Variants in ST6GALNAC5 observed in about 807,000 individuals in gnomAD.
ST6GALNAC5 encodes ST6 N-acetylgalactosaminide alpha-2,6-sialyltransferase 5.
ST6GALNAC5 carries 27 observed loss-of-function variants against 33.6 expected under a neutral mutation model. The observed-to-expected ratio is 0.80, with a 90% confidence interval of 0.59 to 1.11. The LOEUF is 1.11. Ranked by LOEUF, ST6GALNAC5 falls within the 50% of genes least tolerant of loss-of-function variation. The pLI, the probability that ST6GALNAC5 is intolerant of heterozygous loss-of-function variation, is 0.00. For synonymous variants in ST6GALNAC5, 194 were observed against 171.2 expected, an observed-to-expected ratio of 1.13 and a Z score of -1.04; for missense variants, 428 against 454.0, an observed-to-expected ratio of 0.94 and a Z score of 0.52.
At chr1:77,054,116 A>G (rs539408859) in intron 4 of ST6GALNAC5, among the ~76,000 whole-genome samples, 2 of 152,332 alleles carry the variant, frequency 1.3e-5, no homozygotes, top group South Asian at 4.1e-4. Flanking sequence ...GTAATCAGAG[A>G]TGAATGAGAC....
chr1:76,914,432 T>C (rs945468907), intron 2 of ST6GALNAC5, among the ~76,000 whole-genome samples: 2 of 152,190 alleles, frequency 1.3e-5, no homozygotes, highest in Non-Finnish European at 2.9e-5. Flanking sequence ...GCTACCTGAC[T>C]TCAAACTCTA....
At chr1:77,043,868 C>A (rs1451664211) in intron 2 of ST6GALNAC5, among the ~76,000 whole-genome samples, 1 of 152,148 alleles carries the variant, frequency 6.6e-6, no homozygotes. Context: ...TTGTTAACAT[C>A]TCTATGCTTA....
intron 4 of ST6GALNAC5, chr1:77,060,122 C>T (rs971051625): frequency 6.6e-6 from 1 of 152,114 alleles, no homozygotes; most frequent in Non-Finnish European, 1.5e-5. Context: ...AAAAATTCTT[C>T]CTCAAATCAT....
chr1:76,970,227 C>T (rs1648689190), intron 2 of ST6GALNAC5, among the ~76,000 whole-genome samples: 1 of 152,016 alleles, frequency 6.6e-6, no homozygotes, highest in African/African-American at 2.4e-5. Context: ...CAGAAATAGG[C>T]TTCAGAAGGT....
intron 2 of ST6GALNAC5, among the ~76,000 whole-genome samples, chr1:76,978,798 A>G (rs189427374): frequency 6.6e-6 from 1 of 152,374 alleles, no homozygotes; most frequent in Admixed American, 6.5e-5. Context: ...AAGAGAGAGA[A>G]ATAATGGACA....
chr1:76,883,157 C>T (rs1213539741), intron 2 of ST6GALNAC5, among the ~76,000 whole-genome samples: 1 of 152,130 alleles, frequency 6.6e-6, no homozygotes, highest in Admixed American at 6.5e-5. Flanking sequence ...GGACCTTGTC[C>T]CTACCCACAG....
rs1233190616 is a variant in ST6GALNAC5 at position 77,063,192 on chromosome 1, A to G, written c.997A>G (p.Lys333Glu). The change falls in exon 5 of 5, where the codon AAA becomes GAA. Residue 333 changes from lysine (K) to glutamate (E), a missense_variant. Transcript: ENST00000477717. Reference protein sequence around the residue: ...ESLAINHPENKPVF With the variant: ...ESLAINHPENEPVF Reference sequence around the variant, plus strand: ...ACTTGCTATAAATCATCCTGAGAATAAACCTGTGTTCTAAGGAATGAGCAT... The same window carrying G: ...ACTTGCTATAAATCATCCTGAGAATGAACCTGTGTTCTAAGGAATGAGCAT... 2 of 1,613,658 alleles carry G rather than the reference A, an allele frequency of 1.2e-6. No homozygotes were observed. Among genetic ancestry groups the G allele is most frequent in the African/African-American group, 1.3e-5 (1 of 75,008 alleles).
intron 2 of ST6GALNAC5, among the ~76,000 whole-genome samples, chr1:76,916,944 C>T (rs1646982156): frequency 6.6e-6 from 1 of 152,018 alleles, no homozygotes; most frequent in Admixed American, 6.6e-5. Flanking sequence ...CAACAAAGTA[C>T]ATTGGTAAAT....
At chr1:76,937,161 A>C (rs1280138087) in intron 2 of ST6GALNAC5, among the ~76,000 whole-genome samples, 2 of 151,982 alleles carry the variant, frequency 1.3e-5, no homozygotes, top group African/African-American at 4.8e-5. Flanking sequence ...GCCAAAGAGA[A>C]AAACAAATGA....
chr1:76,941,259 G>A (rs80143643), intron 2 of ST6GALNAC5, among the ~76,000 whole-genome samples: 1,953 of 152,130 alleles, frequency 0.013, 42 homozygotes, highest in African/African-American at 0.044. Flanking sequence ...TGTAACAGGC[G>A]GCAATATTTA....
intron 4 of ST6GALNAC5, among the ~76,000 whole-genome samples, chr1:77,062,728 T>C (rs1652620025): frequency 6.6e-6 from 1 of 152,148 alleles, no homozygotes; most frequent in Non-Finnish European, 1.5e-5. Context: ...GGTCTAAATC[T>C]GAGGAGACTG....
At position 77,018,601 on chromosome 1, in the gene ST6GALNAC5, T is replaced by C. The variant is rs558469707; in HGVS notation, c.262-25603T>C. ...GAGGCTGAAACATGTGCTACACCAGTTGGGCTCTGGGAATCTGGCCTCAGT... is the reference window on the plus strand; with the variant it reads ...GAGGCTGAAACATGTGCTACACCAGCTGGGCTCTGGGAATCTGGCCTCAGT... On this transcript the variant is annotated intron_variant, in intron 2 of 4. Transcript: ENST00000477717. 7.9e-5 allele frequency among the ~76,000 whole-genome samples: 12 copies of C among 152,296 alleles called. No homozygotes were observed. The East Asian group carries it at 1.4e-3, about 17-fold the overall frequency.
At chr1:76,903,289 C>T (rs143427575) in intron 2 of ST6GALNAC5, among the ~76,000 whole-genome samples, 2 of 152,164 alleles carry the variant, frequency 1.3e-5, no homozygotes, top group African/African-American at 4.8e-5. Flanking sequence ...GAAAGATTCT[C>T]AACATCATTA....
At chr1:76,987,940 T>C (rs193044666) in intron 2 of ST6GALNAC5, among the ~76,000 whole-genome samples, 151 of 152,284 alleles carry the variant, frequency 9.9e-4, no homozygotes, top group Non-Finnish European at 1.6e-3. Flanking sequence ...AAGGAAGTTT[T>C]CTTCGATTAG....
intron 2 of ST6GALNAC5, among the ~76,000 whole-genome samples, chr1:76,918,566 C>T (rs1335741564): frequency 2.2e-5 from 3 of 137,676 alleles, no homozygotes; most frequent in African/African-American, 5.5e-5. Flanking sequence ...TGCAGTGAGC[C>T]GAGATCACAC....
chr1:76,881,449 T>C (rs1022999869), intron 2 of ST6GALNAC5, among the ~76,000 whole-genome samples: 1 of 152,198 alleles, frequency 6.6e-6, no homozygotes, highest in Non-Finnish European at 1.5e-5. Flanking sequence ...CTGAGCTGTA[T>C]GTTTTGTCTT....
chr1:76,944,516 G>A (rs1647444164), intron 2 of ST6GALNAC5, among the ~76,000 whole-genome samples: 1 of 151,876 alleles, frequency 6.6e-6, no homozygotes, highest in Non-Finnish European at 1.5e-5. Context: ...CCCCCAACAA[G>A]TATGTAAGCC....
At chr1:76,934,398 C>A (rs1647175966) in intron 2 of ST6GALNAC5, among the ~76,000 whole-genome samples, 1 of 152,054 alleles carries the variant, frequency 6.6e-6, no homozygotes, top group African/African-American at 2.4e-5. Flanking sequence ...CTAACTGTGA[C>A]AGCTCTCTCC....
intron 2 of ST6GALNAC5, among the ~76,000 whole-genome samples, chr1:76,919,889 T>C (rs1557723283): frequency 6.6e-6 from 1 of 152,144 alleles, no homozygotes; most frequent in Admixed American, 6.6e-5. Flanking sequence ...TTTAGCCTTG[T>C]ACAAGAAATA....
Sources: allele counts gnomAD v4.1 joint callset (sites outside exome capture counted in the v4.1 genomes callset), GRCh38; gene constraint gnomAD v4.1.1; transcripts MANE v1.5; gene names NCBI Gene and HGNC (gene_info 2026-07-23, HGNC 2026-07-21).